IRX6: variants seen among roughly 807,000 people sequenced by gnomAD.
IRX6 encodes iroquois-class homeodomain protein IRX-6.
In IRX6, 46 loss-of-function variants were observed where a neutral mutation model predicts 47.7. The observed-to-expected ratio is 0.96, with a 90% confidence interval of 0.76 to 1.23. IRX6 has a LOEUF of 1.23. IRX6 is among the 50% of genes most tolerant of loss of function. The probability of loss-of-function intolerance (pLI) is 0.00; values close to 1 mark genes in which losing one functional copy is unlikely to be tolerated. For missense variants in IRX6, 722 were observed against 588.0 expected (o/e 1.23, Z -2.36); for synonymous variants, 265 against 246.2 (o/e 1.08, Z -0.72).
rs1246888891 is a variant in IRX6 at position 55,328,829 on chromosome 16, A to G, written c.851A>G (p.Glu284Gly). 7 of 1,612,846 alleles carry G rather than the reference A, an allele frequency of 4.3e-6. No individual in the cohort carries two copies. Among genetic ancestry groups the G allele is most frequent in the Non-Finnish European group, 3.4e-6 (4 of 1,179,970 alleles). Residue 284 changes from glutamate (E) to glycine (G), a missense_variant, in exon 5 of 6, where the codon GAG becomes GGG. Coordinates refer to ENST00000290552, the MANE Select transcript of IRX6 (RefSeq NM_024335.3). The stretch of plus-strand genomic sequence containing the variant: ...GCCACAGCTGGGGACAGGCTGACGG[A>G]GTTCCGAAAGGGCGCGCAGTCACTG... ...VVATAGDRLT[E>G]FRKGAQSLPG...
intron 1 of IRX6, 40 bp from the exon 2 acceptor site, chr16:55,326,296 G>GGGGGGGGGGGGT (rs1555483998): frequency 6.8e-7 from 1 of 1,471,942 alleles, no homozygotes. Context: ...GGTGGGGGGG[G>GGGGGGGGGGGGT]GGTCTCTGAC....
intron 4 of IRX6, 31 bp from the exon 5 acceptor site, chr16:55,328,669 G>A: frequency 6.2e-7 from 1 of 1,607,198 alleles, no homozygotes. Flanking sequence ...GGGCCCTGGG[G>A]CTTTTCTCAC....
At chr16:55,326,220 G>A (rs1218583337) in intron 1 of IRX6, 116 bp from the exon 2 acceptor site, 10 of 909,622 alleles carry the variant, frequency 1.1e-5, no homozygotes, top group Non-Finnish European at 1.6e-5. Flanking sequence ...ATGAATGAAG[G>A]AGCAATCTGA....
chr16:55,325,518 GGAAGGAAGGAAGGAGAGA>G (rs1960497207), intron 1 of IRX6, among the ~76,000 whole-genome samples: 1 of 19,820 alleles, frequency 5.0e-5, no homozygotes, highest in Non-Finnish European at 9.2e-5. Flanking sequence ...AAGGAAGGAA[GGAAGGAAGGAAGGAGAGA>G]GAGAGAGAGA....
chr16:55,328,707 T>G lies in IRX6; in HGVS notation c.729T>G (p.Thr243=), dbSNP rs749984560. 1 of 1,612,988 alleles carries G rather than the reference T, an allele frequency of 6.2e-7. No individual in the cohort carries two copies. Among genetic ancestry groups the G allele is most frequent in the East Asian group, 2.2e-5 (1 of 44,872 alleles). The stretch of plus-strand genomic sequence containing the variant: ...GCTCTTGATTTCCTGCAGAAGTTAC[T>G]GCTAGCCAGGAGGCCCGGGGGCTCC... ...GCLTADTKEV[T]ASQEARGLRL... The change falls in exon 5 of 6, where the codon ACT becomes ACG. Residue 243 remains threonine, a synonymous_variant. Coordinates refer to ENST00000290552, the MANE Select transcript of IRX6 (RefSeq NM_024335.3).
Position 55,324,546 on chromosome 16 carries a change from C to G in IRX6, c.-546C>G, listed in dbSNP as rs1404200834. The G allele has an allele frequency of 6.4e-6, 1 of 155,192 alleles. No homozygotes were observed. Among genetic ancestry groups the G allele is most frequent in the South Asian group, 2.0e-4 (1 of 5,056 alleles). 9.6% of individuals were successfully genotyped at this position (155,192 alleles called of 1,614,324 possible). A position where few individuals can be genotyped will look rare whatever the true frequency, so the allele number is the denominator to read the frequency against. ...CCAGGCGAAAAGGGGTAGGATTCAG[C>G]GCCGAGCAGAGAGGGTCAGGGTTTT... On this transcript the variant is annotated 5_prime_UTR_variant, in exon 1 of 6. Coordinates refer to ENST00000290552, the MANE Select transcript of IRX6 (RefSeq NM_024335.3). The surrounding 1 kb of genome is among the most constrained non-coding windows in gnomAD (Gnocchi z 4.4).
In IRX6 at chr16:55,329,031, C is replaced by A. The variant is rs764504084; in HGVS notation, c.1053C>A (p.Ile351=). Residue 351 remains isoleucine, a synonymous_variant, in exon 5 of 6, where the codon ATC becomes ATA. Transcript: ENST00000290552. ...ACCCATGCTTGGAGAAACCGCGCAT[C>A]TGGTCTCTGGCGCACACCGCGACAG... The part of the protein sequence containing the change: ...MHYPCLEKPR[I]WSLAHTATAS... 4.3e-6 allele frequency: 7 copies of A among 1,613,960 alleles called. No individual in the cohort carries two copies. In the South Asian group the frequency reaches 6.6e-5, roughly 15 times the overall value.
chr16:55,325,275 C>T, intron 1 of IRX6, 139 bp downstream of exon 1: 2 of 737,268 alleles, frequency 2.7e-6, no homozygotes. Flanking sequence ...TGTGTCACAG[C>T]CTCCTCTGAC....
At position 55,328,746 on chromosome 16, in the gene IRX6, G is replaced by A. The variant is rs1347576348; in HGVS notation, c.768G>A (p.Leu256=). The A allele has an allele frequency of 6.2e-7, 1 of 1,613,254 alleles. No individual in the cohort carries two copies. Among genetic ancestry groups the A allele is most frequent in the Admixed American group, 1.7e-5 (1 of 60,024 alleles). The stretch of plus-strand genomic sequence containing the variant: ...CCCGGGGGCTCCGGCTGAGTGACCT[G>A]GAAGACCTGGAGGAAGAGGAGGAGG... The part of the protein sequence containing the change: ...QEARGLRLSD[L]EDLEEEEEEE... Residue 256 remains leucine, a synonymous_variant, in exon 5 of 6, where the codon CTG becomes CTA. Coordinates refer to ENST00000290552, the MANE Select transcript of IRX6 (RefSeq NM_024335.3).
In IRX6 at chr16:55,330,379, C is replaced by G. The variant is rs769630474; in HGVS notation, c.*74C>G. On this transcript the variant is annotated 3_prime_UTR_variant, in exon 6 of 6. Transcript: ENST00000290552. The stretch of plus-strand genomic sequence containing the variant: ...TCGAATTCATCTCCAGGTTAAGAAG[C>G]TGCCAGACCTTGCCAGGGACCAGGA... 1.4e-6 allele frequency: 2 copies of G among 1,450,128 alleles called. No individual in the cohort carries two copies. Among genetic ancestry groups the G allele is most frequent in the Non-Finnish European group, 1.9e-6 (2 of 1,030,306 alleles). The allele number at this position is 1,450,128 out of a possible 1,614,324, so 89.8% of individuals were successfully genotyped here.
At position 55,327,614 on chromosome 16, in the gene IRX6, G is replaced by C; in HGVS notation, c.442G>C (p.Gly148Arg). Reference sequence around the variant, plus strand: ...TGGCGCAGTGGAATTGAGTGGCGCCGGTCGCCGAAAGAACGCGACCCGGGA... The same window carrying C: ...TGGCGCAGTGGAATTGAGTGGCGCCCGTCGCCGAAAGAACGCGACCCGGGA... ...RYGAVELSGAGRRKNATRETT... is the reference protein window; with the variant it reads ...RYGAVELSGARRRKNATRETT... Residue 148 changes from glycine (G) to arginine (R), a missense_variant, in exon 4 of 6, where the codon GGT becomes CGT. By Grantham distance (125) the Gly-to-Arg change is moderately radical (BLOSUM62 -2). Transcript: ENST00000290552. 3 of 1,607,868 alleles carry C rather than the reference G, an allele frequency of 1.9e-6. No homozygotes were observed. The highest frequency in any genetic ancestry group is 2.5e-6 in the Non-Finnish European group (3 of 1,177,666).
Position 55,327,953 on chromosome 16 carries a change from C to A in IRX6, c.721+60C>A. Reference sequence around the variant, plus strand: ...TTTACAAGTCATCAAGCAGTTTGGTCTTTCAAAAGCTGCCCTGTAGGGTAG... The same window carrying A: ...TTTACAAGTCATCAAGCAGTTTGGTATTTCAAAAGCTGCCCTGTAGGGTAG... On this transcript the variant is annotated intron_variant, in intron 4 of 5. Coordinates refer to ENST00000290552, the MANE Select transcript of IRX6 (RefSeq NM_024335.3). 2.7e-6 allele frequency: 4 copies of A among 1,507,096 alleles called. No homozygotes were observed. In the South Asian group the frequency reaches 5.3e-5, roughly 20 times the overall value. 93.4% of individuals were successfully genotyped at this position (1,507,096 alleles called of 1,614,324 possible). A position where few individuals can be genotyped will look rare whatever the true frequency, so the allele number is the denominator to read the frequency against.
rs74412242 is a variant in IRX6, at chr16:55,326,385, G to A, written c.95G>A (p.Arg32His). The A allele has an allele frequency of 4.7e-3, 7,548 of 1,613,968 alleles. 388 individuals are homozygous for A. The East Asian group carries it at 0.12, about 26-fold the overall frequency. Residue 32 changes from arginine to histidine, a missense_variant, in exon 2 of 6, where the codon CGC becomes CAC. By Grantham distance (29) the Arg-to-His change is conservative. Coordinates refer to ENST00000290552, the MANE Select transcript of IRX6 (RefSeq NM_024335.3). ...ACCACATGCTGCGAATCTACCCAAC[G>A]CTCTGTCTCAGATGTGGCATCAGGC... Reference protein sequence around the residue: ...SSTTCCESTQRSVSDVASGST... With the variant: ...SSTTCCESTQHSVSDVASGST...
Position 55,330,321 on chromosome 16 carries a change from T to C in IRX6, c.*16T>C. 1 of 1,613,594 alleles carries C rather than the reference T, an allele frequency of 6.2e-7. No individual in the cohort carries two copies. The highest frequency in any genetic ancestry group is 8.5e-7 in the Non-Finnish European group (1 of 1,179,480). ...AGCAGGTTAGCGCAATGGCTGCGAT[T>C]TGCGAAAGAATCTTGGAAATGGGCC... On this transcript the variant is annotated 3_prime_UTR_variant, in exon 6 of 6. Coordinates refer to ENST00000290552, the MANE Select transcript of IRX6 (RefSeq NM_024335.3).
Position 55,325,534 on chromosome 16 carries a change from AGAGAGAG to A in IRX6, c.45+399_45+405del, listed in dbSNP as rs1960501828. Among the ~76,000 whole-genome samples the A allele has an allele frequency of 3.9e-5, 2 of 51,942 alleles. 1 individual carries two copies. Among genetic ancestry groups the A allele is most frequent in the African/African-American group, 1.9e-4 (2 of 10,748 alleles). The allele number at this position is 51,942 out of a possible 152,430, so 34.1% of individuals were successfully genotyped here. On this transcript the variant is annotated intron_variant, in intron 1 of 5. Coordinates refer to ENST00000290552, the MANE Select transcript of IRX6 (RefSeq NM_024335.3). ...AGGAAGGAAGGAAGGAAGGAAGGAG[AGAGAGAG>A]AGAGAGAGAGAGAGAGAGAGAAAGA...
Position 55,327,850 on chromosome 16 carries a change from A to G in IRX6, c.678A>G (p.Gly226=), listed in dbSNP as rs1185967174. 6.2e-7 allele frequency: 1 copy of G among 1,612,518 alleles called. No homozygotes were observed. The highest frequency in any genetic ancestry group is 1.3e-5 in the African/African-American group (1 of 75,000). The change falls in exon 4 of 6, where the codon GGA becomes GGG. Residue 226 remains glycine, a synonymous_variant. Transcript: ENST00000290552. ...GTGGGGAGGAGAGGAAGGCAGAGGGAGGAGAGGAGGACTCACTAGGCTGCC... is the reference window on the plus strand; with the variant it reads ...GTGGGGAGGAGAGGAAGGCAGAGGGGGGAGAGGAGGACTCACTAGGCTGCC... ...NKGGEERKAE[G]GEEDSLGCLT...
At chr16:55,328,633 G>GGAT in intron 4 of IRX6, 67 bp from the exon 5 acceptor site, 1 of 1,534,608 alleles carries the variant, frequency 6.5e-7, no homozygotes, top group Non-Finnish European at 8.9e-7. Flanking sequence ...AGCTTCTCGG[G>GGAT]GATGGACATT....
At chr16:55,327,173 T>C in intron 2 of IRX6, 123 bp from the exon 3 acceptor site, 1 of 691,942 alleles carries the variant, frequency 1.4e-6, no homozygotes, top group Non-Finnish European at 2.6e-6. Context: ...GTTAAGCAAC[T>C]GTGCCCAAGG....
intron 5 of IRX6, among the ~76,000 whole-genome samples, chr16:55,329,820 C>T (rs1960611298): frequency 1.3e-5 from 2 of 152,344 alleles, no homozygotes; most frequent in East Asian, 1.9e-4. Flanking sequence ...CAGCTTGCAG[C>T]CCTGTCTGTG....
Sources: allele counts gnomAD v4.1 joint callset (sites outside exome capture counted in the v4.1 genomes callset), GRCh38; gene constraint gnomAD v4.1.1; non-coding constraint Gnocchi (gnomAD v3.1); transcripts MANE v1.5; gene names NCBI Gene and HGNC (gene_info 2026-07-23, HGNC 2026-07-21).